Variants in PBX1 observed in about 807,000 individuals in gnomAD.
PBX1 encodes pre-B-cell leukemia transcription factor 1.
PBX1 carries 6 observed loss-of-function variants against 53.4 expected under a neutral mutation model. The ratio of observed to expected loss-of-function variants is 0.11; its 90% CI spans 0.06 to 0.22. The LOEUF is 0.22. Among genes scored for constraint, PBX1 ranks in the 10% least tolerant of loss-of-function variants. The probability of loss-of-function intolerance (pLI) is 1.00; values close to 1 mark genes in which losing one functional copy is unlikely to be tolerated. For missense variants in PBX1, 251 were observed against 551.4 expected (o/e 0.46, Z 5.46); for synonymous variants, 204 against 212.3 (o/e 0.96, Z 0.34).
intron 2 of PBX1, among the ~76,000 whole-genome samples, chr1:164,755,440 C>T (rs1406431352): frequency 2.0e-5 from 3 of 152,124 alleles, no homozygotes; most frequent in African/African-American, 4.8e-5. Flanking sequence ...TGAGCCACCG[C>T]GCCCAGCCTT....
At chr1:164,629,547 G>A (rs940705806) in intron 2 of PBX1, among the ~76,000 whole-genome samples, 1 of 152,198 alleles carries the variant, frequency 6.6e-6, no homozygotes, top group Non-Finnish European at 1.5e-5. Context: ...ACCCAAAGGG[G>A]CATGTGTCTT....
At chr1:164,843,397 G>A (rs1671402586) in intron 8 of PBX1, among the ~76,000 whole-genome samples, 2 of 152,120 alleles carry the variant, frequency 1.3e-5, no homozygotes, top group Admixed American at 1.3e-4. Context: ...GAATAGGGTG[G>A]CCAAAAGTCT....
chr1:164,865,177 A>G (rs1050748190), intron 2 of PBX1, among the ~76,000 whole-genome samples: 5 of 152,226 alleles, frequency 3.3e-5, no homozygotes, highest in African/African-American at 1.2e-4. Context: ...AGGTGATGAA[A>G]CTGAGATGAG....
At chr1:164,876,776 A>C (rs1672523121) in intron 2 of PBX1, among the ~76,000 whole-genome samples, 1 of 152,152 alleles carries the variant, frequency 6.6e-6, no homozygotes, top group South Asian at 2.1e-4. Context: ...AGAGTCCTCC[A>C]GGGAATGAGA....
intron 8 of PBX1, among the ~76,000 whole-genome samples, chr1:164,846,230 C>A (rs12048214): frequency 2.6e-5 from 4 of 151,882 alleles, no homozygotes; most frequent in Admixed American, 2.0e-4. Flanking sequence ...GCTTTACCAT[C>A]GACATTAGCT....
chr1:164,822,296 G>A lies in PBX1; in HGVS notation c.1200+670G>A, dbSNP rs537484753. Among the ~76,000 whole-genome samples the A allele has an allele frequency of 2.3e-4, 35 of 152,170 alleles. No homozygotes were observed. In the East Asian group the frequency reaches 2.5e-3, roughly 11 times the overall value. ...ATCAATCGTCTGCTTTCTCAGCAGC[G>A]GTGACAGCAAGCTGGGACAAGAGGG... On this transcript the variant is annotated intron_variant, in intron 8 of 8. Coordinates refer to ENST00000420696, the MANE Select transcript of PBX1 (RefSeq NM_002585.4).
chr1:164,614,372 G>A (rs1184449536), intron 2 of PBX1, among the ~76,000 whole-genome samples: 1 of 152,142 alleles, frequency 6.6e-6, no homozygotes, highest in African/African-American at 2.4e-5. Context: ...GTATCTAGCT[G>A]TGCTGCCGTC....
At chr1:164,564,322 A>C (rs1653277198) in intron 2 of PBX1, among the ~76,000 whole-genome samples, 1 of 152,144 alleles carries the variant, frequency 6.6e-6, no homozygotes, top group Non-Finnish European at 1.5e-5. Context: ...TAAACCATAT[A>C]AGCAAGGGCA....
intron 2 of PBX1, among the ~76,000 whole-genome samples, chr1:164,731,831 G>A (rs530317561): frequency 2.1e-4 from 32 of 152,290 alleles, no homozygotes; most frequent in Non-Finnish European, 2.9e-4. Flanking sequence ...GCATGAGCTC[G>A]GCGGCCTGTG....
chr1:164,845,702 G>A (rs1261440246), intron 8 of PBX1, among the ~76,000 whole-genome samples: 1 of 152,236 alleles, frequency 6.6e-6, no homozygotes, highest in Middle Eastern at 3.4e-3. Context: ...CAGTTTTATT[G>A]TTGGGATGCT....
chr1:164,736,355 G>T (rs1444451993), intron 2 of PBX1, among the ~76,000 whole-genome samples: 1 of 152,130 alleles, frequency 6.6e-6, no homozygotes, highest in African/African-American at 2.4e-5. Context: ...AAGGCATGAG[G>T]GTTCCACCAA....
At chr1:164,784,697 C>A (rs1352945389) in intron 2 of PBX1, among the ~76,000 whole-genome samples, 1 of 152,194 alleles carries the variant, frequency 6.6e-6, no homozygotes, top group Non-Finnish European at 1.5e-5. Flanking sequence ...AAGAGCTCCT[C>A]GCAGGACCAC....
intron 2 of PBX1, among the ~76,000 whole-genome samples, chr1:164,789,906 A>G (rs187326037): frequency 2.6e-5 from 4 of 152,328 alleles, no homozygotes; most frequent in Non-Finnish European, 5.9e-5. Context: ...GCCCCAGCAC[A>G]ATGTTTTGAA....
chr1:164,608,558 T>G (rs1656703204), intron 2 of PBX1, among the ~76,000 whole-genome samples: 1 of 152,260 alleles, frequency 6.6e-6, no homozygotes, highest in Non-Finnish European at 1.5e-5. Flanking sequence ...GCAAGAGAGA[T>G]AGGCCATATG....
At chr1:164,573,796 A>G (rs1654038421) in intron 2 of PBX1, among the ~76,000 whole-genome samples, 1 of 152,216 alleles carries the variant, frequency 6.6e-6, no homozygotes. Context: ...TTTATAGCAT[A>G]TCTTGATTTT....
chr1:164,560,130 T>A (rs1350914894), intron 1 of PBX1, 117 bp downstream of exon 1: 3 of 804,078 alleles, frequency 3.7e-6, no homozygotes, highest in Non-Finnish European at 5.5e-6. Flanking sequence ...GTTATTTCTT[T>A]TCTCATTTTG....
chr1:164,811,185 T>C (rs1338340938), intron 5 of PBX1, among the ~76,000 whole-genome samples: 1 of 152,032 alleles, frequency 6.6e-6, no homozygotes, highest in Non-Finnish European at 1.5e-5. Context: ...ATTATGGGGG[T>C]AAAACTTGAA....
intron 2 of PBX1, among the ~76,000 whole-genome samples, chr1:164,784,734 C>T (rs991238744): frequency 2.0e-5 from 3 of 152,204 alleles, no homozygotes; most frequent in Non-Finnish European, 4.4e-5. Flanking sequence ...AGCACGGTGC[C>T]TGGCACCATA....
chr1:164,866,718 C>T (rs1317367623), intron 2 of PBX1, among the ~76,000 whole-genome samples: 1 of 152,200 alleles, frequency 6.6e-6, no homozygotes, highest in Non-Finnish European at 1.5e-5. Context: ...ATTTTATTAT[C>T]TGTGTACTTC....
Sources: allele counts gnomAD v4.1 joint callset (sites outside exome capture counted in the v4.1 genomes callset), GRCh38; gene constraint gnomAD v4.1.1; transcripts MANE v1.5; gene names NCBI Gene and HGNC (gene_info 2026-07-23, HGNC 2026-07-21).